Variants in IDUA observed in about 807,000 individuals in gnomAD.
IDUA encodes the protein iduronidase alpha-L-.
Under a neutral mutation model 68.9 loss-of-function variants are expected in IDUA, and 65 were observed. The ratio of observed to expected loss-of-function variants is 0.94; its 90% confidence interval spans 0.77 to 1.16. The LOEUF is 1.16. IDUA is among the 50% of genes most tolerant of loss of function. The probability of loss-of-function intolerance (pLI) is 0.00; values close to 1 mark genes in which losing one functional copy is unlikely to be tolerated. For missense variants in IDUA, 1,046 were observed against 938.0 expected (o/e 1.12, Z -1.50); for synonymous variants, 529 against 433.6 (o/e 1.22, Z -2.73).
rs528650871 is a variant in IDUA, at chr4:1,001,800, C to G, written c.711C>G (p.Leu237=). ...CGCGATCCCCGCTGAGCTGGGGCCT[C>G]CTGCGCCACTGCCACGACGGTACCA... ...TPPRSPLSWG[L]LRHCHDGTNF... The change falls in exon 6 of 14, where the codon CTC becomes CTG. Residue 237 remains leucine (L), a synonymous_variant. Transcript: ENST00000514224. The G allele has an allele frequency of 6.2e-7, 1 of 1,604,734 alleles. No individual in the cohort carries two copies. Among genetic ancestry groups the G allele is most frequent in the Non-Finnish European group, 8.5e-7 (1 of 1,177,724 alleles).
rs200237798 is a variant in IDUA at position 1,000,677 on chromosome 4, G to A, written c.365G>A (p.Arg122Lys). The change falls in exon 3 of 14, where the codon AGG (arginine) becomes AAG (lysine). Residue 122 changes from arginine to lysine, a missense_variant. Arg to Lys is a conservative substitution (Grantham distance 26, BLOSUM62 2). Transcript: ENST00000514224. ...THLDGYLDLL[R>K]ENQLLPGFEL... ...CTGGACGGGTACCTGGACCTTCTCA[G>A]GGAGAACCAGCTCCTCCCAGGTGAG... 2.8e-4 allele frequency: 444 copies of A among 1,612,080 alleles called. No individual in the cohort carries two copies. Among genetic ancestry groups the A allele is most frequent in the Non-Finnish European group, 3.5e-4 (417 of 1,179,600 alleles).
At chr4:998,891 T>A (rs1714902008) in intron 2 of IDUA, among the ~76,000 whole-genome samples, 3 of 148,664 alleles carry the variant, frequency 2.0e-5, no homozygotes, top group Admixed American at 2.0e-4. Context: ...GCAACCCCCA[T>A]GGCCCCCAGC....
At chr4:989,522 C>A (rs772260145) in intron 2 of IDUA, 1 of 1,554,740 alleles carries the variant, frequency 6.4e-7, no homozygotes, top group African/African-American at 1.4e-5. Flanking sequence ...CCTGCCCAGA[C>A]CAGCGCGTCA....
At position 1,001,828 on chromosome 4, in the gene IDUA, T is replaced by C. The variant is rs1223536781; in HGVS notation, c.739T>C (p.Phe247Leu). ...LLRHCHDGTNFFTGEAGVRLD... is the reference protein window; with the variant it reads ...LLRHCHDGTNLFTGEAGVRLD... ...GCGCCACTGCCACGACGGTACCAACTTCTTCACTGGGGAGGCGGGCGTGCG... is the reference window on the plus strand; with the variant it reads ...GCGCCACTGCCACGACGGTACCAACCTCTTCACTGGGGAGGCGGGCGTGCG... The change falls in exon 6 of 14, where the codon TTC (phenylalanine) becomes CTC (leucine). Residue 247 changes from phenylalanine (F) to leucine (L), a missense_variant. Coordinates refer to ENST00000514224, the MANE Select transcript of IDUA (RefSeq NM_000203.5). 1 of 1,605,398 alleles carries C rather than the reference T, an allele frequency of 6.2e-7. No homozygotes were observed.
At chr4:1,000,380 T>C (rs1024801326) in intron 2 of IDUA, among the ~76,000 whole-genome samples, 5 of 152,260 alleles carry the variant, frequency 3.3e-5, no homozygotes, top group African/African-American at 1.2e-4. Flanking sequence ...CACCCCAAGT[T>C]TTCCATCTCT....
chr4:1,001,033 C>A, intron 4 of IDUA, 44 bp downstream of exon 4: 1 of 1,408,766 alleles, frequency 7.1e-7, no homozygotes, highest in Non-Finnish European at 1.0e-6. Context: ...GGCGGGGGTA[C>A]TCCTGGGCAG....
chr4:1,001,934 C>G (rs1715107995), intron 6 of IDUA, 48 bp from the exon 7 acceptor site: 1 of 1,569,094 alleles, frequency 6.4e-7, no homozygotes, highest in African/African-American at 1.3e-5. Context: ...AGCCGCTGTG[C>G]CCCGGGCCGC....
rs567877344 is a variant in IDUA, at chr4:998,227, C to T, written c.300-2385C>T. Among the ~76,000 whole-genome samples, 29 of 152,242 alleles carry T rather than the reference C, an allele frequency of 1.9e-4. No homozygotes were observed. The South Asian group carries it at 4.4e-3, about 23-fold the overall frequency. On this transcript the variant is annotated intron_variant, in intron 2 of 13. Transcript: ENST00000514224. ...AGGAGCAGGTGGGGACCAGCAGAGG[C>T]GGGGCGGAGCAGGAGCCCACACCCA...
intron 2 of IDUA, among the ~76,000 whole-genome samples, chr4:995,634 G>A (rs918845843): frequency 1.3e-5 from 2 of 152,250 alleles, no homozygotes; most frequent in African/African-American, 2.4e-5. Context: ...GATTGAAGCC[G>A]AGGGTCTCGC....
chr4:1,002,705 C>T (rs895678851), intron 8 of IDUA, 27 bp from the exon 9 acceptor site: 2 of 1,414,794 alleles, frequency 1.4e-6, no homozygotes, highest in South Asian at 1.3e-5. Flanking sequence ...CGACCCCACG[C>T]GGCGACGGCC....
intron 2 of IDUA, among the ~76,000 whole-genome samples, chr4:999,079 C>T (rs1714921491): frequency 6.6e-6 from 1 of 152,048 alleles, no homozygotes; most frequent in African/African-American, 2.4e-5. Context: ...GTGGCGGGCG[C>T]CTGTAGTCCC....
chr4:1,000,379 T>G (rs1006934136), intron 2 of IDUA, among the ~76,000 whole-genome samples: 2 of 152,210 alleles, frequency 1.3e-5, no homozygotes, highest in African/African-American at 4.8e-5. Flanking sequence ...CCACCCCAAG[T>G]TTTCCATCTC....
At position 1,001,514 on chromosome 4, in the gene IDUA, G is replaced by A. The variant is rs2153021904; in HGVS notation, c.540G>A (p.Trp180Ter). ...AHVSKWNFET[W>*]NEPDHHDFDN... ...TTTCCAAGTGGAACTTCGAGACGTG[G>A]AATGAGCCAGACCACCACGACTTTG... Residue 180 changes from tryptophan (W) to a stop codon, truncating the protein, a stop_gained, in exon 5 of 14, where the codon TGG becomes TGA. Coordinates refer to ENST00000514224, the MANE Select transcript of IDUA (RefSeq NM_000203.5). LOFTEE classifies it high-confidence loss of function. The A allele has an allele frequency of 1.2e-6, 2 of 1,613,242 alleles. No homozygotes were observed. The highest frequency in any genetic ancestry group is 1.7e-6 in the Non-Finnish European group (2 of 1,179,968).
At chr4:987,376 C>G (rs1713816317) in intron 1 of IDUA, 134 bp downstream of exon 1, 1 of 954,686 alleles carries the variant, frequency 1.0e-6, no homozygotes, top group South Asian at 1.7e-5. Context: ...GCCCGCCCCC[C>G]GCCGTGTTTG....
intron 2 of IDUA, chr4:990,293 C>T (rs1343474824): frequency 1.2e-6 from 2 of 1,603,736 alleles, no homozygotes; most frequent in South Asian, 1.1e-5. Flanking sequence ...GCCCCCATGG[C>T]AAAGCCATCG....
intron 12 of IDUA, 106 bp downstream of exon 12, chr4:1,003,731 G>T (rs2153023087): frequency 7.7e-7 from 1 of 1,293,400 alleles, no homozygotes; most frequent in Non-Finnish European, 1.1e-6. Flanking sequence ...TGGCCCATCG[G>T]CTCCCTCCCT....
rs1715186514 is a variant in IDUA at position 1,002,856 on chromosome 4, G to A, written c.1314G>A (p.Val438=). 2.8e-6 allele frequency: 4 copies of A among 1,451,646 alleles called. No individual in the cohort carries two copies. Among genetic ancestry groups the A allele is most frequent in the South Asian group, 1.3e-5 (1 of 74,098 alleles). The allele number at this position is 1,451,646 out of a possible 1,614,324, so 89.9% of individuals were successfully genotyped here. Residue 438 remains valine, a synonymous_variant, in exon 9 of 14, where the codon GTG becomes GTA. Transcript: ENST00000514224. ...CGGCCGACGCCTGGCGCGCCGCGGT[G>A]CTGATCTACGCGAGCGACGACACCC... ...QGPADAWRAA[V]LIYASDDTRA...
chr4:997,064 A>G (rs1354886627), intron 2 of IDUA, among the ~76,000 whole-genome samples: 2 of 151,994 alleles, frequency 1.3e-5, no homozygotes, highest in African/African-American at 4.8e-5. Context: ...ATTGGAGTCC[A>G]TTTACTGGGA....
intron 10 of IDUA, 45 bp downstream of exon 10, chr4:1,003,202 C>A: frequency 7.8e-7 from 1 of 1,277,654 alleles, no homozygotes; most frequent in Non-Finnish European, 9.9e-7. Context: ...GGGCCGGGGT[C>A]CCGGGGGGGT....
Sources: allele counts gnomAD v4.1 joint callset (sites outside exome capture counted in the v4.1 genomes callset), GRCh38; gene constraint gnomAD v4.1.1; transcripts MANE v1.5; gene names NCBI Gene and HGNC (gene_info 2026-07-23, HGNC 2026-07-21).